ARRDC1: variants seen among roughly 807,000 people sequenced by gnomAD.
ARRDC1 encodes the protein arrestin domain containing 1, also known as arrestin domain-containing protein 1.
A neutral mutation model predicts 40.1 loss-of-function variants in ARRDC1; 37 were observed. That is an observed-to-expected ratio of 0.92 (90% CI 0.71 to 1.21). The LOEUF (loss-of-function observed/expected upper bound fraction) is 1.21. Among genes scored for constraint, ARRDC1 ranks in the 50% most tolerant of loss-of-function variants. ARRDC1 has a pLI of 0.00. For missense variants in ARRDC1, 641 were observed against 581.9 expected, an observed-to-expected ratio of 1.10 and a Z score of -1.04; for synonymous variants, 310 against 262.5, an observed-to-expected ratio of 1.18 and a Z score of -1.75.
intron 1 of ARRDC1, among the ~76,000 whole-genome samples, chr9:137,609,104 G>A (rs1021743219): frequency 3.3e-5 from 5 of 151,750 alleles, no homozygotes; most frequent in African/African-American, 7.3e-5. Context: ...GGAATTCTGG[G>A]TCTCCTGGTA....
chr9:137,613,662 C>G lies in ARRDC1; in HGVS notation c.328C>G (p.Gln110Glu), dbSNP rs1246133642. 3 of 1,614,190 alleles carry G rather than the reference C, an allele frequency of 1.9e-6. No homozygotes were observed. Among genetic ancestry groups the G allele is most frequent in the Admixed American group, 1.7e-5 (1 of 60,022 alleles). ...GGGTCCTTTCGGGAAGATCGTGCAC[C>G]AGGTGAGGGCCGCCATCCACACGCC... The part of the protein sequence containing the change: ...FEGPFGKIVH[Q>E]VRAAIHTPRF... Residue 110 changes from glutamine (Q) to glutamate (E), a missense_variant, in exon 4 of 8, where the codon CAG (glutamine) becomes GAG (glutamate). Coordinates refer to ENST00000371421, the MANE Select transcript of ARRDC1 (RefSeq NM_152285.4).
rs1842410392 is a variant in ARRDC1, at chr9:137,605,728, T to C, written c.11T>C (p.Val4Ala). 2 of 1,382,174 alleles carry C rather than the reference T, an allele frequency of 1.4e-6. No homozygotes were observed. Among genetic ancestry groups the C allele is most frequent in the South Asian group, 3.0e-5 (2 of 65,750 alleles). The allele number at this position is 1,382,174 out of a possible 1,614,324, so 85.6% of individuals were successfully genotyped here. The change falls in exon 1 of 8, where the codon GTG (valine) becomes GCG (alanine). Residue 4 changes from valine to alanine, a missense_variant. Physicochemically the swap from Val to Ala is moderately conservative, Grantham distance 64. Transcript: ENST00000371421. ...CGGTGAGGCCGCGGCATGGGGCGAG[T>C]GCAGCTCTTCGAGATCAGCCTGAGC... MGRVQLFEISLSHG... is the reference protein window; with the variant it reads MGRAQLFEISLSHG...
chr9:137,608,436 GGT>G (rs1258290515), intron 1 of ARRDC1, among the ~76,000 whole-genome samples: 3 of 152,234 alleles, frequency 2.0e-5, no homozygotes, highest in Admixed American at 6.5e-5. Context: ...AGCCCTGCCT[GGT>G]GGCTTTCCTG....
rs774721041 is a variant in ARRDC1, at chr9:137,605,827, C to A, written c.110C>A (p.Pro37Gln). ...CGCGTGCGCCTGGGGGCACCGCTGC[C>A]GTTCCGAGGTGGGCGCGGGTCCTCG... ...TVRVRLGAPL[P>Q]FRAIRVTCIG... Residue 37 changes from proline to glutamine, a missense_variant, in exon 1 of 8, where the codon CCG (proline) becomes CAG (glutamine). Pro to Gln is a moderately conservative substitution (Grantham distance 76, BLOSUM62 -1). Coordinates refer to ENST00000371421, the MANE Select transcript of ARRDC1 (RefSeq NM_152285.4). The A allele has an allele frequency of 7.1e-6, 9 of 1,258,794 alleles. No individual in the cohort carries two copies. The highest frequency in any genetic ancestry group is 3.0e-4 in the Middle Eastern group (1 of 3,282). 78.0% of individuals were successfully genotyped at this position (1,258,794 alleles called of 1,614,324 possible). A position where few individuals can be genotyped will look rare whatever the true frequency, so the allele number is the denominator to read the frequency against.
In ARRDC1 at chr9:137,613,529, C is replaced by T. The variant is rs753380467; in HGVS notation, c.280+19C>T. The T allele has an allele frequency of 5.6e-6, 9 of 1,613,788 alleles. No individual in the cohort carries two copies. The highest frequency in any genetic ancestry group is 1.6e-4 in the Middle Eastern group (1 of 6,062). ...CTTCCTGGTGAGAGCCCAGCCTGGA[C>T]AGGCCTGGTGATGACCAACTGGTCC... On this transcript the variant is annotated intron_variant, in intron 3 of 7. Transcript: ENST00000371421.
intron 1 of ARRDC1, among the ~76,000 whole-genome samples, chr9:137,608,119 A>G (rs1035750313): frequency 5.3e-5 from 8 of 152,038 alleles, no homozygotes; most frequent in Non-Finnish European, 8.8e-5. Context: ...AAGAGCTGGG[A>G]CTACAGGCGC....
At chr9:137,610,999 G>A (rs886249908) in intron 1 of ARRDC1, among the ~76,000 whole-genome samples, 7 of 152,242 alleles carry the variant, frequency 4.6e-5, no homozygotes, top group Non-Finnish European at 8.8e-5. Context: ...ACCCAGCTGG[G>A]TCCCAGCATT....
chr9:137,614,781 T>C lies in ARRDC1; in HGVS notation c.1018T>C (p.Ser340Pro). Residue 340 changes from serine (S) to proline (P), a missense_variant, in exon 7 of 8, where the codon TCG becomes CCG. Coordinates refer to ENST00000371421, the MANE Select transcript of ARRDC1 (RefSeq NM_152285.4). ...CGTCTTCCTCTCCACCAAGAGCCAT[T>C]CGCAGCGGCAGCCCCTGCTGGCCAC... ...DPVFLSTKSH[S>P]QRQPLLATLS... is the part of the protein sequence containing the mutation. The C allele has an allele frequency of 6.2e-7, 1 of 1,611,992 alleles. No individual in the cohort carries two copies. The highest frequency in any genetic ancestry group is 8.5e-7 in the Non-Finnish European group (1 of 1,179,128).
At position 137,610,397 on chromosome 9, in the gene ARRDC1, CT is replaced by C. The variant is rs527650643; in HGVS notation, c.119-2489del. 3.7e-3 allele frequency among the ~76,000 whole-genome samples: 546 copies of C among 149,102 alleles called. 6 individuals carry two copies. The highest frequency in any genetic ancestry group is 4.9e-3 in the Non-Finnish European group (329 of 67,068). On this transcript the variant is annotated intron_variant, in intron 1 of 7. Coordinates refer to ENST00000371421, the MANE Select transcript of ARRDC1 (RefSeq NM_152285.4). ...ATCCTCTGTGGGTTCCAGCATTTTT[CT>C]TTTTTTTTTCTTTTTGAGATGAAGT...
Position 137,614,974 on chromosome 9 carries a change from A to G in ARRDC1, c.1211A>G (p.Glu404Gly), listed in dbSNP as rs1317567458. The G allele has an allele frequency of 6.2e-7, 1 of 1,613,566 alleles. No individual in the cohort carries two copies. Among genetic ancestry groups the G allele is most frequent in the African/African-American group, 1.3e-5 (1 of 74,900 alleles). Reference sequence around the variant, plus strand: ...ACCAGCACCTTGATTCTTCCTCCAGAGTACAGTTCTTGGGGCTACCCCTAT... The same window carrying G: ...ACCAGCACCTTGATTCTTCCTCCAGGGTACAGTTCTTGGGGCTACCCCTAT... ...PTTSTLILPP[E>G]YSSWGYPYEA... The change falls in exon 7 of 8, where the codon GAG becomes GGG. Residue 404 changes from glutamate (E) to glycine (G), a missense_variant. Coordinates refer to ENST00000371421, the MANE Select transcript of ARRDC1 (RefSeq NM_152285.4).
chr9:137,611,249 G>T (rs901744105), intron 1 of ARRDC1, among the ~76,000 whole-genome samples: 5 of 152,080 alleles, frequency 3.3e-5, no homozygotes, highest in African/African-American at 1.2e-4. Context: ...ACAGAGCATG[G>T]ATTCAAAATC....
Position 137,615,098 on chromosome 9 carries a change from G to A in ARRDC1, c.1262G>A (p.Ser421Asn). The change falls in exon 8 of 8, where the codon AGC becomes AAC. Residue 421 changes from serine (S) to asparagine (N), a missense_variant. Physicochemically the swap from Ser to Asn is conservative, Grantham distance 46 (BLOSUM62 1). Transcript: ENST00000371421. ...PYEAPPSYEQ[S>N]CGGVEPSLTP... ...GAGGCCCCACCGTCTTATGAGCAGAGCTGCGGCGGCGTGGAACCCAGCCTG... is the reference window on the plus strand; with the variant it reads ...GAGGCCCCACCGTCTTATGAGCAGAACTGCGGCGGCGTGGAACCCAGCCTG... 1 of 1,568,224 alleles carries A rather than the reference G, an allele frequency of 6.4e-7. No individual in the cohort carries two copies. The highest frequency in any genetic ancestry group is 1.2e-5 in the South Asian group (1 of 84,516).
rs200162693 is a variant in ARRDC1, at chr9:137,613,726, A to G, written c.392A>G (p.Tyr131Cys). 3.1e-5 allele frequency: 50 copies of G among 1,614,204 alleles called. No individual in the cohort carries two copies. The highest frequency in any genetic ancestry group is 1.3e-4 in the African/African-American group (10 of 75,058). ...GATCACAAGTGCAGCCTCGTGTTCT[A>G]TATCTTGAGCCCCTTGAACCTGAAC... ...SKDHKCSLVFYILSPLNLNSI... is the reference protein window; with the variant it reads ...SKDHKCSLVFCILSPLNLNSI... Residue 131 changes from tyrosine to cysteine, a missense_variant, in exon 4 of 8, where the codon TAT (tyrosine) becomes TGT (cysteine). Physicochemically the swap from Tyr to Cys is radical, Grantham distance 194. Coordinates refer to ENST00000371421, the MANE Select transcript of ARRDC1 (RefSeq NM_152285.4).
At chr9:137,610,042 C>T (rs1252109113) in intron 1 of ARRDC1, among the ~76,000 whole-genome samples, 1 of 151,642 alleles carries the variant, frequency 6.6e-6, no homozygotes, top group African/African-American at 2.4e-5. Context: ...TCTCGATCTC[C>T]TGACCTCGTG....
At chr9:137,612,812 C>T (rs913513635) in intron 1 of ARRDC1, 84 bp from the exon 2 acceptor site, 6 of 1,058,252 alleles carry the variant, frequency 5.7e-6, no homozygotes, top group Non-Finnish European at 1.4e-6. Flanking sequence ...TGCTGCTTGG[C>T]CCCAGGTCGA....
chr9:137,609,066 C>T (rs1416922519), intron 1 of ARRDC1, among the ~76,000 whole-genome samples: 1 of 152,068 alleles, frequency 6.6e-6, no homozygotes, highest in African/African-American at 2.4e-5. Flanking sequence ...GTGTGAGGCT[C>T]CCGGTTAAAT....
chr9:137,613,341 G>C lies in ARRDC1; in HGVS notation c.230-119G>C. 3.5e-6 allele frequency: 4 copies of C among 1,151,906 alleles called. No individual in the cohort carries two copies. The South Asian group carries it at 4.0e-5, about 11-fold the overall frequency. The allele number at this position is 1,151,906 out of a possible 1,614,324, so 71.4% of individuals were successfully genotyped here. On this transcript the variant is annotated intron_variant, in intron 2 of 7. Transcript: ENST00000371421. ...CTGTGCTGCTGTGGCGCTGGTGACT[G>C]AGACAGGGAGACCCAGTGTGAGCTG...
chr9:137,607,224 G>GC (rs1392637770), intron 1 of ARRDC1, among the ~76,000 whole-genome samples: 2 of 152,236 alleles, frequency 1.3e-5, no homozygotes, highest in Non-Finnish European at 2.9e-5. Flanking sequence ...GTGTACCGGG[G>GC]CCCCCGGGGG....
In ARRDC1 at chr9:137,615,143, G is replaced by A. The variant is rs538409772; in HGVS notation, c.*5G>A. ...AGCCTGACCCCTGAGAGCTGACCCCGTGCTGCCTTCTCCAGGCAGGCCTGG... is the reference window on the plus strand; with the variant it reads ...AGCCTGACCCCTGAGAGCTGACCCCATGCTGCCTTCTCCAGGCAGGCCTGG... On this transcript the variant is annotated 3_prime_UTR_variant, in exon 8 of 8. Coordinates refer to ENST00000371421, the MANE Select transcript of ARRDC1 (RefSeq NM_152285.4). The A allele has an allele frequency of 1.1e-5, 17 of 1,525,698 alleles. No individual in the cohort carries two copies. The highest frequency in any genetic ancestry group is 2.8e-5 in the African/African-American group (2 of 72,282). The allele number at this position is 1,525,698 out of a possible 1,614,324, so 94.5% of individuals were successfully genotyped here.
Sources: gnomAD v4.1 joint callset for allele counts (sites outside exome capture counted in the v4.1 genomes callset) on GRCh38, gnomAD v4.1.1 for gene constraint, MANE v1.5 for transcripts, NCBI Gene and HGNC (gene_info 2026-07-23, HGNC 2026-07-21) for gene names.